Variants in BCL2L12 observed in about 807,000 individuals in gnomAD.
The protein encoded by BCL2L12 is BCL2 like 12, also known as bcl-2-like protein 12.
A neutral mutation model predicts 25.7 loss-of-function variants in BCL2L12; 27 were observed. The ratio of observed to expected loss-of-function variants is 1.05; its 90% CI spans 0.78 to 1.45. The LOEUF is 1.45. BCL2L12 is among the 40% of genes most tolerant of loss of function. The probability of loss-of-function intolerance (pLI) is 0.00; values close to 1 mark genes in which losing one functional copy is unlikely to be tolerated. For synonymous variants in BCL2L12, 132 were observed against 145.6 expected (o/e 0.91, Z 0.67); for missense variants, 302 against 329.8 (o/e 0.92, Z 0.65).
At chr19:49,665,435 CCTCTTTTCCTCTTTCCTCCCTA>C (rs2081645616), upstream of BCL2L12, 1 of 192,414 alleles carries the variant, frequency 5.2e-6, no homozygotes, top group Non-Finnish European at 1.1e-5. Flanking sequence ...GTAGACGCCT[CCTCTTTTCCTCTTTCCTCCCTA>C]CTTTTTCTAG....
chr19:49,670,038 C>T (rs1001036620), intron 5 of BCL2L12, among the ~76,000 whole-genome samples, 178 bp from the exon 6 acceptor site: 1 of 152,150 alleles, frequency 6.6e-6, no homozygotes, highest in Admixed American at 6.5e-5. Context: ...AGGCCACTAT[C>T]CCGGGGGTAG....
intron 6 of BCL2L12, among the ~76,000 whole-genome samples, chr19:49,671,921 C>A (rs563836165): frequency 6.6e-6 from 1 of 152,318 alleles, no homozygotes; most frequent in Non-Finnish European, 1.5e-5. Flanking sequence ...CCTCCCACCG[C>A]CCTCCTTCCC....
At chr19:49,673,012 G>A (rs1293502039) in intron 6 of BCL2L12, among the ~76,000 whole-genome samples, 3 of 152,130 alleles carry the variant, frequency 2.0e-5, no homozygotes, top group Non-Finnish European at 2.9e-5. Context: ...GGTTACAGGC[G>A]CACACCACCA....
rs373173731 is a variant in BCL2L12, at chr19:49,670,339, C to T, written c.553C>T (p.Pro185Ser). 1.1e-4 allele frequency: 169 copies of T among 1,600,288 alleles called. No individual in the cohort carries two copies. The highest frequency in any genetic ancestry group is 1.4e-4 in the Admixed American group (8 of 58,748). Residue 185 changes from proline to serine, a missense_variant, in exon 6 of 7, where the codon CCC becomes TCC. Transcript: ENST00000246784. ...TCGCCCAAGCCGAGCATGCCCCGGG[C>T]CCCCGCCTCCTTCCCCGGAGCCCCT... ...SSRPSRACPG[P>S]PPPSPEPLAR...
intron 6 of BCL2L12, 85 bp downstream of exon 6, chr19:49,670,573 TC>T: frequency 6.8e-7 from 1 of 1,477,166 alleles, no homozygotes; most frequent in East Asian, 2.5e-5. Context: ...CTTAGGTTCC[TC>T]TCAGACCTCA....
intron 3 of BCL2L12, among the ~76,000 whole-genome samples, chr19:49,667,831 A>G (rs945600831): frequency 2.0e-5 from 3 of 152,160 alleles, no homozygotes; most frequent in African/African-American, 7.2e-5. Flanking sequence ...CCCAGGCTGG[A>G]GTGCAGGGGT....
At chr19:49,665,297 C>G (rs2081627499), upstream of BCL2L12, 1 of 178,000 alleles carries the variant, frequency 5.6e-6, no homozygotes, top group African/African-American at 2.4e-5. Context: ...ATTTCCAACA[C>G]AGAACTTCCA....
chr19:49,669,773 T>C (rs1465819391), intron 5 of BCL2L12, among the ~76,000 whole-genome samples: 3 of 152,012 alleles, frequency 2.0e-5, no homozygotes, highest in East Asian at 1.9e-4. Context: ...TGGCTTAGAA[T>C]GTAGGGGAAA....
upstream of BCL2L12, chr19:49,665,179 C>T (rs2081614689): frequency 3.5e-6 from 1 of 289,496 alleles, no homozygotes; most frequent in East Asian, 7.3e-5. Context: ...CATCCTCTTT[C>T]CCTAGTTATT....
intron 3 of BCL2L12, among the ~76,000 whole-genome samples, chr19:49,667,977 G>A (rs1466838712): frequency 6.6e-6 from 1 of 151,924 alleles, no homozygotes; most frequent in African/African-American, 2.4e-5. Context: ...ACGGGGTTTC[G>A]CCACGTTGGC....
chr19:49,669,473 T>C (rs1483998236), intron 5 of BCL2L12, among the ~76,000 whole-genome samples: 1 of 150,404 alleles, frequency 6.6e-6, no homozygotes, highest in Non-Finnish European at 1.5e-5. Flanking sequence ...GAGGTGGAGG[T>C]TGCAGTGAGC....
At chr19:49,668,999 C>T in intron 4 of BCL2L12, 25 bp from the exon 5 acceptor site, 1 of 1,613,816 alleles carries the variant, frequency 6.2e-7, no homozygotes, top group Non-Finnish European at 8.5e-7. Context: ...GTTCTGCCCC[C>T]AGCCAAATTC....
Position 49,670,275 on chromosome 19 carries a change from C to G in BCL2L12, c.489C>G (p.Ala163=), listed in dbSNP as rs780735772. 55 of 1,611,128 alleles carry G rather than the reference C, an allele frequency of 3.4e-5. No individual in the cohort carries two copies. Among genetic ancestry groups the G allele is most frequent in the Non-Finnish European group, 4.4e-5 (52 of 1,179,600 alleles). Residue 163 remains alanine (A), a synonymous_variant, in exon 6 of 7, where the codon GCC becomes GCG. Coordinates refer to ENST00000246784, the MANE Select transcript of BCL2L12 (RefSeq NM_138639.2). Reference sequence around the variant, plus strand: ...TCCGCCTGTCCTCCGACTCTTTCGCCCGCCTGGTGGAGCTGTTCTGTAGCC... The same window carrying G: ...TCCGCCTGTCCTCCGACTCTTTCGCGCGCCTGGTGGAGCTGTTCTGTAGCC... ...KLVRLSSDSF[A]RLVELFCSRD...
At chr19:49,669,226 C>T (rs2081897911) in intron 5 of BCL2L12, 111 bp downstream of exon 5, 1 of 1,505,844 alleles carries the variant, frequency 6.6e-7, no homozygotes, top group Admixed American at 2.1e-5. Flanking sequence ...TGGAAAGAGG[C>T]TGGGACAAGG....
At chr19:49,669,162 A>G (rs371058887) in intron 5 of BCL2L12, 47 bp downstream of exon 5, 1 of 1,602,816 alleles carries the variant, frequency 6.2e-7, no homozygotes, top group Non-Finnish European at 8.5e-7. Context: ...GAGTTGCGGA[A>G]TGGTGGGGCA....
chr19:49,666,047 G>T lies in BCL2L12; in HGVS notation c.-29G>T. 2 of 1,557,998 alleles carry T rather than the reference G, an allele frequency of 1.3e-6. No individual in the cohort carries two copies. Among genetic ancestry groups the T allele is most frequent in the Non-Finnish European group, 1.7e-6 (2 of 1,149,440 alleles). On this transcript the variant is annotated 5_prime_UTR_variant, in exon 1 of 7. Coordinates refer to ENST00000246784, the MANE Select transcript of BCL2L12 (RefSeq NM_138639.2). ...AGACCGCAAGTTGAGTGGAGGAGGCGGCGGTGGGGCCCCGGACCAGGTCAG... is the reference window on the plus strand; with the variant it reads ...AGACCGCAAGTTGAGTGGAGGAGGCTGCGGTGGGGCCCCGGACCAGGTCAG...
At chr19:49,667,242 G>A in intron 3 of BCL2L12, 81 bp downstream of exon 3, 3 of 1,558,684 alleles carry the variant, frequency 1.9e-6, no homozygotes, top group Non-Finnish European at 2.6e-6. Context: ...GCTAGGGGGT[G>A]GCTGTGTGGA....
chr19:49,666,243 G>T (rs905009926), intron 1 of BCL2L12, among the ~76,000 whole-genome samples, 176 bp downstream of exon 1: 2 of 152,242 alleles, frequency 1.3e-5, no homozygotes, highest in Non-Finnish European at 2.9e-5. Flanking sequence ...GCGAAGAAGC[G>T]CGGACCTAGG....
chr19:49,666,664 C>G lies in BCL2L12; in HGVS notation c.-8-21C>G, dbSNP rs1028467977. 4 of 1,538,824 alleles carry G rather than the reference C, an allele frequency of 2.6e-6. No homozygotes were observed. The African/African-American group carries it at 4.1e-5, about 16-fold the overall frequency. Reference sequence around the variant, plus strand: ...TCTTGCTAAACCCTTGGAGTCCAGTCCCTAACCCTCTCTCTCACAGGTGCC... The same window carrying G: ...TCTTGCTAAACCCTTGGAGTCCAGTGCCTAACCCTCTCTCTCACAGGTGCC... On this transcript the variant is annotated intron_variant, in intron 1 of 6. Transcript: ENST00000246784.
Sources: allele counts gnomAD v4.1 joint callset (sites outside exome capture counted in the v4.1 genomes callset), GRCh38; gene constraint gnomAD v4.1.1; transcripts MANE v1.5; gene names NCBI Gene and HGNC (gene_info 2026-07-23, HGNC 2026-07-21).